TENM3: variants seen among roughly 807,000 people sequenced by gnomAD.
The protein encoded by TENM3 is teneurin-3.
TENM3 carries 63 observed loss-of-function variants against 255.1 expected under a neutral mutation model. The ratio of observed to expected loss-of-function variants is 0.25; its 90% CI spans 0.20 to 0.30. TENM3 has a LOEUF of 0.30. TENM3 is among the 10% of genes least tolerant of loss of function. The pLI is 1.00. For synonymous variants in TENM3, 1,306 were observed against 1,322.3 expected (o/e 0.99, Z 0.27); for missense variants, 2,929 against 3,461.1 (o/e 0.85, Z 3.86).
At chr4:182,103,095 T>G in the TENM3 span, among the ~76,000 whole-genome samples, 1 of 152,232 alleles carries the variant, frequency 6.6e-6, no homozygotes, top group African/African-American at 2.4e-5. Context: ...GTTGACCCAC[T>G]TAAAAAAATG....
intron 1 of TENM3, among the ~76,000 whole-genome samples, chr4:182,160,461 G>A (rs1446293096): frequency 6.6e-6 from 1 of 152,178 alleles, no homozygotes; most frequent in East Asian, 1.9e-4. Flanking sequence ...AATTTACCAT[G>A]TATTGATTTA....
At chr4:181,889,208 A>C in the TENM3 span, among the ~76,000 whole-genome samples, 298 of 152,224 alleles carry the variant, frequency 2.0e-3, no homozygotes, top group African/African-American at 6.8e-3. Flanking sequence ...CGGATCCCTC[A>C]TGAGGGGCTT....
the TENM3 span, among the ~76,000 whole-genome samples, chr4:182,000,526 C>T: frequency 6.6e-6 from 1 of 152,122 alleles, no homozygotes; most frequent in Non-Finnish European, 1.5e-5. Flanking sequence ...GCAAGCATTT[C>T]GTCTTGCTTT....
chr4:182,268,811 C>T (rs1759422612), intron 1 of TENM3, among the ~76,000 whole-genome samples: 2 of 152,004 alleles, frequency 1.3e-5, no homozygotes, highest in Admixed American at 1.3e-4. Context: ...AATAATCTAC[C>T]CCTCATTTAG....
intron 3 of TENM3, among the ~76,000 whole-genome samples, chr4:182,521,373 T>C (rs1279064580): frequency 6.6e-6 from 1 of 152,258 alleles, no homozygotes; most frequent in Non-Finnish European, 1.5e-5. Context: ...TCTTTGGTAC[T>C]AAAACATTAG....
chr4:182,651,768 A>G (rs1753326136), intron 5 of TENM3, among the ~76,000 whole-genome samples: 1 of 152,156 alleles, frequency 6.6e-6, no homozygotes, highest in African/African-American at 2.4e-5. Context: ...GAGTGTGACT[A>G]TATACATTTA....
At chr4:182,087,060 TATTCAGAACAGA>T in the TENM3 span, among the ~76,000 whole-genome samples, 1 of 152,204 alleles carries the variant, frequency 6.6e-6, no homozygotes. Context: ...GTGTTTCACA[TATTCAGAACAGA>T]ATTGCTCACC....
chr4:182,669,332 C>G (rs564127691), intron 6 of TENM3, among the ~76,000 whole-genome samples: 2 of 151,934 alleles, frequency 1.3e-5, no homozygotes, highest in Admixed American at 6.6e-5. Context: ...TGCAGTGGCG[C>G]GATCTCGGCT....
the TENM3 span, among the ~76,000 whole-genome samples, chr4:181,659,526 C>A: frequency 6.6e-6 from 1 of 152,120 alleles, no homozygotes; most frequent in African/African-American, 2.4e-5. Flanking sequence ...GACTGATGAC[C>A]AATTTTCTCA....
chr4:182,739,633 T>G (rs1266015183), intron 18 of TENM3, among the ~76,000 whole-genome samples: 1 of 152,240 alleles, frequency 6.6e-6, no homozygotes, highest in Middle Eastern at 3.2e-3. Flanking sequence ...GTTGCTTCAG[T>G]GTTCATTCCT....
At chr4:181,699,750 T>C in the TENM3 span, among the ~76,000 whole-genome samples, 8 of 152,156 alleles carry the variant, frequency 5.3e-5, no homozygotes, top group Non-Finnish European at 1.0e-4. Context: ...CAGAAAGTAT[T>C]TGAATTCTAA....
At chr4:182,118,417 G>C in the TENM3 span, among the ~76,000 whole-genome samples, 1 of 151,972 alleles carries the variant, frequency 6.6e-6, no homozygotes. Context: ...TTAGCTGTAG[G>C]GGTTTTTTTG....
chr4:181,633,400 G>A, the TENM3 span, among the ~76,000 whole-genome samples: 2 of 152,108 alleles, frequency 1.3e-5, no homozygotes, highest in African/African-American at 4.8e-5. Flanking sequence ...GTATATTTGG[G>A]TAATAGTGCA....
At chr4:182,278,719 G>A (rs910552694) in intron 1 of TENM3, among the ~76,000 whole-genome samples, 2 of 151,720 alleles carry the variant, frequency 1.3e-5, no homozygotes, top group African/African-American at 2.4e-5. Context: ...GTGACATTTC[G>A]TGATTTGATT....
At position 182,788,143 on chromosome 4, in the gene TENM3, T is replaced by C. The variant is rs528858835; in HGVS notation, c.5305-950T>C. Among the ~76,000 whole-genome samples, 48 of 152,308 alleles carry C rather than the reference T, an allele frequency of 3.2e-4. No individual in the cohort carries two copies. In the South Asian group the frequency reaches 3.7e-3, roughly 12 times the overall value. ...GTAAAATTAAGATGTTCCCATTTAATTTTTAACAATCAAAACAGTTAATGA... is the reference window on the plus strand; with the variant it reads ...GTAAAATTAAGATGTTCCCATTTAACTTTTAACAATCAAAACAGTTAATGA... On this transcript the variant is annotated intron_variant, in intron 24 of 27. Transcript: ENST00000511685.
upstream of TENM3, among the ~76,000 whole-genome samples, chr4:182,241,777 G>C (rs1172448119): frequency 6.6e-6 from 1 of 151,780 alleles, no homozygotes; most frequent in Non-Finnish European, 1.5e-5. Flanking sequence ...AAAGTGCTGG[G>C]ATTACAGGCA....
At chr4:181,780,337 T>C in the TENM3 span, among the ~76,000 whole-genome samples, 1 of 152,144 alleles carries the variant, frequency 6.6e-6, no homozygotes, top group Admixed American at 6.5e-5. Flanking sequence ...TTCTAACTGG[T>C]GTGAGATGGT....
chr4:182,178,987 C>A (rs554565804), intron 1 of TENM3, among the ~76,000 whole-genome samples: 68 of 152,222 alleles, frequency 4.5e-4, no homozygotes, highest in African/African-American at 1.6e-3. Flanking sequence ...CTGTTTTCAA[C>A]GAATTCCTTT....
intron 1 of TENM3, among the ~76,000 whole-genome samples, chr4:182,305,655 ACGC>A (rs1449649511): frequency 6.6e-6 from 1 of 152,178 alleles, no homozygotes; most frequent in Non-Finnish European, 1.5e-5. Flanking sequence ...TCCCGGTTAC[ACGC>A]CTCTACTTCT....
Sources: allele counts gnomAD v4.1 joint callset (sites outside exome capture counted in the v4.1 genomes callset), GRCh38; gene constraint gnomAD v4.1.1; transcripts MANE v1.5; gene names NCBI Gene and HGNC (gene_info 2026-07-23, HGNC 2026-07-21).